The following RASGRF2 variants were observed in gnomAD, a reference collection of about 807,000 sequenced individuals.
RASGRF2 encodes the protein ras-specific guanine nucleotide-releasing factor 2.
In RASGRF2, 76 loss-of-function variants were observed where a neutral mutation model predicts 151.0. That is an observed-to-expected ratio of 0.50 (90% confidence interval 0.42 to 0.61). The LOEUF (loss-of-function observed/expected upper bound fraction) is 0.61. Ranked by LOEUF, RASGRF2 falls within the 20% of genes least tolerant of loss-of-function variation. The pLI, the probability that RASGRF2 is intolerant of heterozygous loss-of-function variation, is 0.00. For missense variants in RASGRF2, 1,148 were observed against 1,564.6 expected (o/e 0.73, Z 4.49); for synonymous variants, 504 against 566.5 (o/e 0.89, Z 1.57).
rs1389752087 is a variant in RASGRF2, at chr5:81,042,951, T to C, written c.363T>C (p.Gly121=). The stretch of plus-strand genomic sequence containing the variant: ...TGCGCTGTGAGGAGGAGCAGGATGG[T>C]AAAGAGTGGATGGAGGCCATTCACC... ...LELRCEEEQD[G]KEWMEAIHQA... Residue 121 remains glycine, a synonymous_variant, in exon 2 of 27, where the codon GGT becomes GGC. Transcript: ENST00000265080. 1.9e-6 allele frequency: 3 copies of C among 1,612,572 alleles called. No homozygotes were observed. In the Admixed American group the frequency reaches 5.0e-5, roughly 27 times the overall value.
intron 17 of RASGRF2, among the ~76,000 whole-genome samples, chr5:81,162,950 C>T (rs923228981): frequency 4.0e-5 from 6 of 151,852 alleles, no homozygotes; most frequent in East Asian, 3.9e-4. Context: ...TCTGGAACAC[C>T]GTGTGCAATT....
rs11448247 is a variant in RASGRF2 at position 81,140,990 on chromosome 5, GT to G, written c.2686+13838del. Among the ~76,000 whole-genome samples the G allele has an allele frequency of 5.5e-3, 823 of 148,890 alleles. 5 individuals are homozygous for G. The highest frequency in any genetic ancestry group is 0.02 in the African/African-American group (793 of 40,658). On this transcript the variant is annotated intron_variant, in intron 17 of 26. Transcript: ENST00000265080. Reference sequence around the variant, plus strand: ...AGGGCTGTCAGATGTGTTTTCTCTGGTTTTTTTTTTTCTAGCCAGAAATCTT... The same window carrying G: ...AGGGCTGTCAGATGTGTTTTCTCTGGTTTTTTTTTTCTAGCCAGAAATCTT...
At chr5:80,997,121 C>T (rs1748910184) in intron 1 of RASGRF2, 1 of 152,176 alleles carries the variant, frequency 6.6e-6, no homozygotes, top group Non-Finnish European at 1.5e-5. Context: ...TATAAACAAT[C>T]ATCTTTTAGA....
At chr5:81,056,369 CTTCAT>C (rs1751211610) in intron 2 of RASGRF2, among the ~76,000 whole-genome samples, 1 of 152,112 alleles carries the variant, frequency 6.6e-6, no homozygotes, top group Non-Finnish European at 1.5e-5. Flanking sequence ...TTATTTCTGC[CTTCAT>C]TTCATTATGT....
Position 81,095,012 on chromosome 5 carries a change from C to A in RASGRF2, c.1755+20C>A. On this transcript the variant is annotated intron_variant, in intron 12 of 26. Coordinates refer to ENST00000265080, the MANE Select transcript of RASGRF2 (RefSeq NM_006909.3). ...AGTCAGGTAAGAAAGTGGCTTTTGC[C>A]AAATTTTTGTTTTTTAAATTTCACA... 7.2e-7 allele frequency: 1 copy of A among 1,393,208 alleles called. No homozygotes were observed. Among genetic ancestry groups the A allele is most frequent in the South Asian group, 1.9e-5 (1 of 52,702 alleles). 86.3% of individuals were successfully genotyped at this position (1,393,208 alleles called of 1,614,324 possible).
chr5:81,053,695 C>T (rs1448091995), intron 2 of RASGRF2, among the ~76,000 whole-genome samples: 9 of 152,144 alleles, frequency 5.9e-5, no homozygotes, highest in African/African-American at 1.4e-4. Flanking sequence ...CCTGAGGAAT[C>T]GCCACACTGT....
intron 22 of RASGRF2, 48 bp from the exon 23 acceptor site, chr5:81,212,318 C>T: frequency 3.4e-6 from 5 of 1,463,586 alleles, no homozygotes; most frequent in Non-Finnish European, 4.6e-6. Flanking sequence ...CCTAAATGCA[C>T]TGCTTGGGGC....
intron 1 of RASGRF2, among the ~76,000 whole-genome samples, chr5:81,006,136 A>C (rs1028132707): frequency 1.3e-5 from 2 of 152,224 alleles, no homozygotes; most frequent in African/African-American, 4.8e-5. Flanking sequence ...ATAAATCTTT[A>C]AAAATTGTAT....
intron 1 of RASGRF2, among the ~76,000 whole-genome samples, chr5:81,005,797 T>A (rs1749250150): frequency 2.0e-5 from 3 of 152,218 alleles, no homozygotes. Flanking sequence ...TTTTCCTTTC[T>A]ATCTGGAAGA....
intron 1 of RASGRF2, among the ~76,000 whole-genome samples, chr5:80,996,510 C>CCTCCTCCTCCCCCTT (rs1748874644): frequency 1.5e-5 from 1 of 66,166 alleles, no homozygotes; most frequent in African/African-American, 6.9e-5. Flanking sequence ...TCTTCCTCCT[C>CCTCCTCCTCCCCCTT]CTCCTCCTCC....
chr5:81,152,106 A>G (rs967771098), intron 17 of RASGRF2, among the ~76,000 whole-genome samples: 6 of 152,066 alleles, frequency 3.9e-5, no homozygotes, highest in Admixed American at 3.3e-4. Context: ...GGTTCAAGCT[A>G]TTCTCCCATC....
chr5:81,188,934 T>C (rs1481997083), intron 18 of RASGRF2, among the ~76,000 whole-genome samples: 1 of 152,280 alleles, frequency 6.6e-6, no homozygotes, highest in Admixed American at 6.5e-5. Flanking sequence ...AACCCGCTTC[T>C]GACTCAGGAC....
chr5:81,176,602 G>A (rs374838197), intron 17 of RASGRF2, among the ~76,000 whole-genome samples: 7 of 152,276 alleles, frequency 4.6e-5, no homozygotes, highest in East Asian at 1.9e-4. Context: ...CGGTTTGTGC[G>A]TTTTATAATT....
At chr5:80,969,647 T>C (rs1424955670) in intron 1 of RASGRF2, among the ~76,000 whole-genome samples, 1 of 149,846 alleles carries the variant, frequency 6.7e-6, no homozygotes, top group East Asian at 2.0e-4. Context: ...GAGACGGGGT[T>C]TCACCGTGTT....
chr5:81,211,085 G>A (rs951637599), intron 22 of RASGRF2, among the ~76,000 whole-genome samples: 10 of 151,350 alleles, frequency 6.6e-5, no homozygotes, highest in Non-Finnish European at 1.2e-4. Context: ...TCGAGGCTCC[G>A]GTGAGCTGTA....
intron 2 of RASGRF2, among the ~76,000 whole-genome samples, chr5:81,060,051 A>G (rs950164753): frequency 3.9e-5 from 6 of 152,162 alleles, no homozygotes; most frequent in Non-Finnish European, 2.9e-5. Flanking sequence ...AACCAGAGAG[A>G]GAGAAGATGC....
rs1338294192 is a variant in RASGRF2 at position 81,086,939 on chromosome 5, C to G, written c.1376C>G (p.Thr459Arg). The change falls in exon 9 of 27, where the codon ACG (threonine) becomes AGG (arginine). Residue 459 changes from threonine (T) to arginine (R), a missense_variant. Physicochemically the swap from Thr to Arg is moderately conservative, Grantham distance 71 (BLOSUM62 -1). Coordinates refer to ENST00000265080, the MANE Select transcript of RASGRF2 (RefSeq NM_006909.3). ...GACATCTTGCTGGACACCAGCCAAACGTTCATCCGCCAAGGTAAGTCCCTG... is the reference window on the plus strand; with the variant it reads ...GACATCTTGCTGGACACCAGCCAAAGGTTCATCCGCCAAGGTAAGTCCCTG... The part of the protein sequence containing the change: ...GCDILLDTSQ[T>R]FIRQGSLIQV... 6.2e-7 allele frequency: 1 copy of G among 1,613,232 alleles called. No individual in the cohort carries two copies. The highest frequency in any genetic ancestry group is 1.3e-5 in the African/African-American group (1 of 74,910).
chr5:80,983,456 A>G (rs961675608), intron 1 of RASGRF2, among the ~76,000 whole-genome samples: 2 of 152,234 alleles, frequency 1.3e-5, no homozygotes, highest in African/African-American at 4.8e-5. Flanking sequence ...GCTGCTCTTC[A>G]TCCTGAGGAT....
At chr5:80,968,755 C>T (rs1273073546) in intron 1 of RASGRF2, among the ~76,000 whole-genome samples, 1 of 152,160 alleles carries the variant, frequency 6.6e-6, no homozygotes, top group Non-Finnish European at 1.5e-5. Flanking sequence ...GCAGTCATAG[C>T]TTACTGAAGC....
Sources: gnomAD v4.1 joint callset for allele counts (sites outside exome capture counted in the v4.1 genomes callset) on GRCh38, gnomAD v4.1.1 for gene constraint, MANE v1.5 for transcripts, NCBI Gene and HGNC (gene_info 2026-07-23, HGNC 2026-07-21) for gene names.